Variants in SPATA6L observed in about 807,000 individuals in gnomAD.
The protein encoded by SPATA6L is spermatogenesis associated 6 like.
A neutral mutation model predicts 49.2 loss-of-function variants in SPATA6L; 68 were observed. The observed-to-expected ratio is 1.38, with a 90% CI of 1.14 to 1.69. The LOEUF (loss-of-function observed/expected upper bound fraction) is 1.69, where lower values mean the gene tolerates loss of function less well. Among genes scored for constraint, SPATA6L ranks in the 40% most tolerant of loss-of-function variants. The pLI is 0.00. For synonymous variants in SPATA6L, 198 were observed against 165.7 expected (o/e 1.19, Z -1.50); for missense variants, 668 against 464.3 (o/e 1.44, Z -4.03).
At chr9:4,621,835 A>G (rs901140341) in intron 7 of SPATA6L, among the ~76,000 whole-genome samples, 2 of 152,084 alleles carry the variant, frequency 1.3e-5, no homozygotes, top group African/African-American at 4.8e-5. Context: ...AATTTCTAAC[A>G]TGCTAACTAC....
chr9:4,654,218 G>C (rs1045841731), intron 3 of SPATA6L, among the ~76,000 whole-genome samples: 3 of 152,176 alleles, frequency 2.0e-5, no homozygotes, highest in Non-Finnish European at 4.4e-5. Flanking sequence ...AAATGATTCA[G>C]CTGCTTTGGT....
At chr9:4,616,336 C>G (rs1827994548) in intron 9 of SPATA6L, among the ~76,000 whole-genome samples, 1 of 152,114 alleles carries the variant, frequency 6.6e-6, no homozygotes, top group African/African-American at 2.4e-5. Flanking sequence ...TGAAATCACC[C>G]AGCACTTAGA....
chr9:4,615,883 C>G (rs955529134), intron 9 of SPATA6L, among the ~76,000 whole-genome samples: 1 of 152,122 alleles, frequency 6.6e-6, no homozygotes, highest in African/African-American at 2.4e-5. Context: ...GAGACAAAAA[C>G]CACGGGTTTT....
In SPATA6L at chr9:4,653,442, T is replaced by C. The variant is rs138114743; in HGVS notation, c.226+2599A>G. ...GATGTAAGTCTTCATGACCTTGAGTTAGGCAATGGTTTCTTAGATATGACA... is the reference window on the plus strand; with the variant it reads ...GATGTAAGTCTTCATGACCTTGAGTCAGGCAATGGTTTCTTAGATATGACA... On this transcript the variant is annotated intron_variant, in intron 3 of 11. Coordinates refer to ENST00000682582, the MANE Select transcript of SPATA6L (RefSeq NM_001353486.2). Among the ~76,000 whole-genome samples the C allele has an allele frequency of 2.7e-3, 406 of 152,312 alleles. 1 individual carries two copies. The highest frequency in any genetic ancestry group is 9.6e-3 in the East Asian group (50 of 5,190).
intron 3 of SPATA6L, among the ~76,000 whole-genome samples, chr9:4,642,976 G>T (rs564782096): frequency 6.6e-6 from 1 of 152,230 alleles, no homozygotes; most frequent in African/African-American, 2.4e-5. Context: ...ATCTAAAAGG[G>T]AGATAGATCA....
At chr9:4,601,886 G>T (rs1048365117) in intron 11 of SPATA6L, among the ~76,000 whole-genome samples, 1 of 152,170 alleles carries the variant, frequency 6.6e-6, no homozygotes, top group Non-Finnish European at 1.5e-5. Context: ...CACTGAGATG[G>T]ATGCTCAGCA....
chr9:4,624,495 A>C (rs1279792136), intron 6 of SPATA6L, among the ~76,000 whole-genome samples: 1 of 152,168 alleles, frequency 6.6e-6, no homozygotes, highest in Non-Finnish European at 1.5e-5. Flanking sequence ...TGGGAGGCTG[A>C]TGTGGGTGGA....
chr9:4,652,667 C>T (rs992185796), intron 3 of SPATA6L, among the ~76,000 whole-genome samples: 7 of 151,472 alleles, frequency 4.6e-5, no homozygotes, highest in South Asian at 2.1e-4. Flanking sequence ...CATGCAGAAA[C>T]CCCGTTTCTA....
chr9:4,630,713 A>G (rs10974671), intron 4 of SPATA6L, among the ~76,000 whole-genome samples: 14,015 of 152,262 alleles, frequency 0.092, 1,068 homozygotes, highest in African/African-American at 0.18. Context: ...TGAAGCCCTC[A>G]AGAGAAAAGA....
Position 4,619,156 on chromosome 9 carries a change from T to TC in SPATA6L, c.773-259_773-258insG, listed in dbSNP as rs1491472584. 2.3e-5 allele frequency among the ~76,000 whole-genome samples: 2 copies of TC among 87,456 alleles called. 1 individual carries two copies. Among genetic ancestry groups the TC allele is most frequent in the East Asian group, 5.0e-4 (2 of 4,000 alleles). The allele number at this position is 87,456 out of a possible 152,430, so 57.4% of individuals were successfully genotyped here. ...TTGAGGTCAACAGTCAGGTTTTCTC[T>TC]TTTTTTTTTTTTTTTTTTTGAGATG... On this transcript the variant is annotated intron_variant, in intron 7 of 11. Coordinates refer to ENST00000682582, the MANE Select transcript of SPATA6L (RefSeq NM_001353486.2).
chr9:4,599,041 G>A lies in SPATA6L; in HGVS notation c.*1770C>T, dbSNP rs145349845. 6.6e-6 allele frequency among the ~76,000 whole-genome samples: 1 copy of A among 152,158 alleles called. No individual in the cohort carries two copies. The highest frequency in any genetic ancestry group is 1.9e-4 in the East Asian group (1 of 5,198). ...CACAATGAAGTATCTTCAGGATAGG[G>A]GATAGGACCCAAGTCTAAACACGAA... On this transcript the variant is annotated 3_prime_UTR_variant, in exon 12 of 12. Coordinates refer to ENST00000682582, the MANE Select transcript of SPATA6L (RefSeq NM_001353486.2).
At chr9:4,656,973 AG>A (rs2130767686) in intron 2 of SPATA6L, among the ~76,000 whole-genome samples, 1 of 152,368 alleles carries the variant, frequency 6.6e-6, no homozygotes, top group Non-Finnish European at 1.5e-5. Flanking sequence ...AAAGAAAGAG[AG>A]AAGAGTCTCA....
rs139750969 is a variant in SPATA6L at position 4,641,740 on chromosome 9, G to A, written c.227-6341C>T. On this transcript the variant is annotated intron_variant, in intron 3 of 11. Transcript: ENST00000682582. ...GGCTGAATGTACTAAATGCATTTTA[G>A]AAGGTTTAAAAAGACACACATCAAA... Among the ~76,000 whole-genome samples the A allele has an allele frequency of 8.9e-4, 136 of 152,272 alleles. 2 individuals carry two copies. Among genetic ancestry groups the A allele is most frequent in the Non-Finnish European group, 1.9e-3 (128 of 68,002 alleles).
At chr9:4,628,155 A>G (rs867837481) in intron 5 of SPATA6L, 2,104 of 202,570 alleles carry the variant, frequency 0.01, 51 homozygotes, top group African/African-American at 0.046. Flanking sequence ...GCACAAAAAA[A>G]AAATACAAAG....
intron 13 of SPATA6L, among the ~76,000 whole-genome samples, chr9:4,591,916 C>G (rs1484443714): frequency 6.6e-6 from 1 of 152,150 alleles, no homozygotes; most frequent in Non-Finnish European, 1.5e-5. Context: ...AAATCAACGT[C>G]CAGTTTCTTT....
chr9:4,617,204 G>A (rs1305925181), intron 9 of SPATA6L, among the ~76,000 whole-genome samples: 3 of 152,056 alleles, frequency 2.0e-5, no homozygotes, highest in African/African-American at 7.2e-5. Flanking sequence ...TCTTATTCTC[G>A]TCACTAATAA....
At chr9:4,591,099 G>C (rs1254998885) in intron 13 of SPATA6L, among the ~76,000 whole-genome samples, 1 of 152,178 alleles carries the variant, frequency 6.6e-6, no homozygotes, top group African/African-American at 2.4e-5. Context: ...CCCATGGAAA[G>C]TACCTTTTCC....
At chr9:4,611,814 AATTT>A (rs1826817506) in intron 9 of SPATA6L, among the ~76,000 whole-genome samples, 1 of 152,104 alleles carries the variant, frequency 6.6e-6, no homozygotes, top group African/African-American at 2.4e-5. Flanking sequence ...AAGAAAAAAA[AATTT>A]TTAATCCAAA....
intron 9 of SPATA6L, among the ~76,000 whole-genome samples, chr9:4,607,465 C>A (rs1237855824): frequency 1.3e-5 from 2 of 152,156 alleles, no homozygotes; most frequent in Non-Finnish European, 1.5e-5. Context: ...ACCCTACAAG[C>A]CAGAAGAGAG....
Sources: allele counts gnomAD v4.1 joint callset (sites outside exome capture counted in the v4.1 genomes callset), GRCh38; gene constraint gnomAD v4.1.1; transcripts MANE v1.5; gene names NCBI Gene and HGNC (gene_info 2026-07-23, HGNC 2026-07-21).